ITGB6: variants seen among roughly 807,000 people sequenced by gnomAD.
The protein encoded by ITGB6 is integrin beta-6.
Under a neutral mutation model 84.5 loss-of-function variants are expected in ITGB6, and 80 were observed. The ratio of observed to expected loss-of-function variants is 0.95; its 90% CI spans 0.79 to 1.14. ITGB6 has a LOEUF of 1.14. Among genes scored for constraint, ITGB6 ranks in the 50% most tolerant of loss-of-function variants. The pLI is 0.00. For missense variants in ITGB6, 1,006 were observed against 968.0 expected (o/e 1.04, Z -0.52); for synonymous variants, 383 against 354.9 (o/e 1.08, Z -0.89).
rs1696685600 is a variant in ITGB6 at position 160,100,778 on chromosome 2, CT to C, written c.*957del. The C allele has an allele frequency of 6.6e-6, 1 of 152,174 alleles. No individual in the cohort carries two copies. The highest frequency in any genetic ancestry group is 1.5e-5 in the Non-Finnish European group (1 of 68,024). The allele number at this position is 152,174 out of a possible 1,614,324, so 9.4% of individuals were successfully genotyped here. A position where few individuals can be genotyped will look rare whatever the true frequency, so the allele number is the denominator to read the frequency against. ...TTAAAAAGCCTTTAAGACTTGTATA[CT>C]CTTGATGTGCTTGATTTAGAGCCAT... On this transcript the variant is annotated 3_prime_UTR_variant, in exon 15 of 15. Coordinates refer to ENST00000283249, the MANE Select transcript of ITGB6 (RefSeq NM_000888.5).
At chr2:160,142,352 T>C (rs181382566) in intron 7 of ITGB6, among the ~76,000 whole-genome samples, 1 of 152,318 alleles carries the variant, frequency 6.6e-6, no homozygotes, top group East Asian at 1.9e-4. Flanking sequence ...GAGTCAAGTC[T>C]CAAATAATAG....
chr2:160,163,881 C>T (rs546476128), intron 7 of ITGB6, among the ~76,000 whole-genome samples: 18 of 152,160 alleles, frequency 1.2e-4, no homozygotes, highest in South Asian at 2.1e-4. Context: ...CTAATAAGCT[C>T]TTGACAAACG....
chr2:160,189,008 T>C (rs1026507096), intron 4 of ITGB6, among the ~76,000 whole-genome samples: 3 of 152,050 alleles, frequency 2.0e-5, no homozygotes, highest in African/African-American at 4.8e-5. Flanking sequence ...AACAGAGATA[T>C]AGACCAATGG....
chr2:160,169,260 G>T lies in ITGB6; in HGVS notation c.969C>A (p.Asn323Lys), dbSNP rs138313490. 5 of 1,603,328 alleles carry T rather than the reference G, an allele frequency of 3.1e-6. No homozygotes were observed. In the African/African-American group the frequency reaches 4.0e-5, roughly 13 times the overall value. The change falls in exon 7 of 15, where the codon AAC (asparagine) becomes AAA (lysine). Residue 323 changes from asparagine to lysine, a missense_variant. Coordinates refer to ENST00000283249, the MANE Select transcript of ITGB6 (RefSeq NM_000888.5). ...GQLIDKLVQN[N>K]VLLIFAVTQE... ...GGGTTACAGCGAAGATCAATAACACGTTGTTTTGTACCAGTTTATCAATGA... is the reference window on the plus strand; with the variant it reads ...GGGTTACAGCGAAGATCAATAACACTTTGTTTTGTACCAGTTTATCAATGA...
chr2:160,102,867 T>C (rs966779982), intron 14 of ITGB6, among the ~76,000 whole-genome samples: 1 of 152,240 alleles, frequency 6.6e-6, no homozygotes, highest in Non-Finnish European at 1.5e-5. Context: ...TGTCCCTATC[T>C]GTTCCTACCT....
intron 4 of ITGB6, among the ~76,000 whole-genome samples, chr2:160,188,400 A>C (rs1685990023): frequency 6.6e-6 from 1 of 152,152 alleles, no homozygotes; most frequent in Non-Finnish European, 1.5e-5. Context: ...GCCCATAATA[A>C]TAATCTTCAG....
At chr2:160,104,212 G>A (rs948553642) in intron 14 of ITGB6, among the ~76,000 whole-genome samples, 9 of 152,166 alleles carry the variant, frequency 5.9e-5, no homozygotes, top group East Asian at 1.9e-4. Flanking sequence ...AAAAGTGGAC[G>A]AAGAGCAAGT....
intron 10 of ITGB6, among the ~76,000 whole-genome samples, chr2:160,128,279 A>AG (rs1683315825): frequency 2.0e-5 from 3 of 152,022 alleles, no homozygotes. Context: ...CAATACAAAA[A>AG]AAAAAAAAGG....
chr2:160,194,861 A>G (rs907332752), intron 4 of ITGB6, among the ~76,000 whole-genome samples: 12 of 151,994 alleles, frequency 7.9e-5, no homozygotes, highest in Admixed American at 6.5e-4. Context: ...ACAGCAGTGA[A>G]GGCTGCATTG....
At chr2:160,198,639 T>C (rs1686436765) in intron 2 of ITGB6, among the ~76,000 whole-genome samples, 1 of 152,214 alleles carries the variant, frequency 6.6e-6, no homozygotes, top group Non-Finnish European at 1.5e-5. Flanking sequence ...TTTGGCACTT[T>C]GTCACTGGTG....
At chr2:160,136,092 G>T (rs1213382090) in intron 10 of ITGB6, among the ~76,000 whole-genome samples, 1 of 152,124 alleles carries the variant, frequency 6.6e-6, no homozygotes. Flanking sequence ...CACAGTAAAA[G>T]AAACTACCAT....
intron 2 of ITGB6, 24 bp from the exon 3 acceptor site, chr2:160,196,444 T>C (rs751197631): frequency 1.9e-6 from 3 of 1,565,642 alleles, no homozygotes; most frequent in Non-Finnish European, 2.6e-6. Context: ...AGAAAAACAA[T>C]AACCAGAAAA....
rs144295966 is a variant in ITGB6, at chr2:160,150,717, G to A, written c.1018-8646C>T. On this transcript the variant is annotated intron_variant, in intron 7 of 14. Coordinates refer to ENST00000283249, the MANE Select transcript of ITGB6 (RefSeq NM_000888.5). ...TGTGTATTCAGGAGACACATTTCAC[G>A]TGCAAAGATGCATATAGGCTCAAAA... is the stretch of plus-strand genomic sequence containing the variant. Among the ~76,000 whole-genome samples the A allele has an allele frequency of 2.4e-3, 369 of 152,208 alleles. 1 individual carries two copies. Among genetic ancestry groups the A allele is most frequent in the African/African-American group, 8.1e-3 (337 of 41,534 alleles).
intron 10 of ITGB6, among the ~76,000 whole-genome samples, chr2:160,128,922 A>G (rs1574062064): frequency 6.6e-6 from 1 of 152,044 alleles, no homozygotes. Context: ...GAATATATAT[A>G]TGGGCCTGAA....
chr2:160,124,029 G>A (rs967104992), intron 11 of ITGB6, 141 bp from the exon 12 acceptor site: 57 of 583,178 alleles, frequency 9.8e-5, no homozygotes, highest in Non-Finnish European at 1.6e-4. Context: ...ACTTTCAAAA[G>A]GATAGTAGGG....
chr2:160,161,508 C>T (rs958368532), intron 7 of ITGB6, among the ~76,000 whole-genome samples: 1 of 152,072 alleles, frequency 6.6e-6, no homozygotes, highest in Non-Finnish European at 1.5e-5. Flanking sequence ...CCAGGCTGTT[C>T]TCGAACTCCT....
chr2:160,141,869 T>C, intron 8 of ITGB6, 113 bp downstream of exon 8: 1 of 639,088 alleles, frequency 1.6e-6, no homozygotes. Flanking sequence ...AGACTTTTTT[T>C]GGATAAGCAC....
intron 4 of ITGB6, among the ~76,000 whole-genome samples, chr2:160,184,778 A>T (rs1014669484): frequency 1.3e-5 from 2 of 152,218 alleles, no homozygotes; most frequent in African/African-American, 4.8e-5. Context: ...AAGCTTATCC[A>T]CCACGATCAA....
chr2:160,156,544 G>A (rs1392390604), intron 7 of ITGB6, among the ~76,000 whole-genome samples: 1 of 152,112 alleles, frequency 6.6e-6, no homozygotes, highest in African/African-American at 2.4e-5. Context: ...TGGGCTCAGG[G>A]AACCCTCAGT....
Sources: gnomAD v4.1 joint callset for allele counts (sites outside exome capture counted in the v4.1 genomes callset) on GRCh38, gnomAD v4.1.1 for gene constraint, MANE v1.5 for transcripts, NCBI Gene and HGNC (gene_info 2026-07-23, HGNC 2026-07-21) for gene names.